Variants in SGCZ observed in about 807,000 individuals in gnomAD.
SGCZ encodes zeta-sarcoglycan.
SGCZ carries 40 observed loss-of-function variants against 41.3 expected under a neutral mutation model. The ratio of observed to expected loss-of-function variants is 0.97; its 90% CI spans 0.75 to 1.26. SGCZ has a LOEUF of 1.26. SGCZ is among the 50% of genes most tolerant of loss of function. The pLI is 0.00. For missense variants in SGCZ, 552 were observed against 369.8 expected (o/e 1.49, Z -4.04); for synonymous variants, 206 against 137.5 (o/e 1.50, Z -3.49).
chr8:14,270,129 C>G (rs1800010040), intron 3 of SGCZ, among the ~76,000 whole-genome samples: 1 of 151,688 alleles, frequency 6.6e-6, no homozygotes, highest in Admixed American at 6.6e-5. Context: ...GTCAGGAGTT[C>G]AAGACCAGCC....
At chr8:14,130,627 T>C (rs1803011680) in intron 5 of SGCZ, among the ~76,000 whole-genome samples, 2 of 151,878 alleles carry the variant, frequency 1.3e-5, no homozygotes, top group Middle Eastern at 3.4e-3. Context: ...GGTAAGAGAG[T>C]CCTTGGTGGG....
At chr8:14,813,240 T>A (rs1255910257) in intron 1 of SGCZ, among the ~76,000 whole-genome samples, 1 of 152,180 alleles carries the variant, frequency 6.6e-6, no homozygotes, top group Non-Finnish European at 1.5e-5. Flanking sequence ...GAAGAGTTTC[T>A]CCCTCAATAT....
chr8:14,484,896 T>A (rs1045799603), intron 2 of SGCZ, among the ~76,000 whole-genome samples: 1 of 152,170 alleles, frequency 6.6e-6, no homozygotes, highest in African/African-American at 2.4e-5. Flanking sequence ...ATTAAATGCT[T>A]TACAGCAAAA....
At chr8:15,225,510 G>A (rs1351820609) in intron 1 of SGCZ, among the ~76,000 whole-genome samples, 5 of 152,084 alleles carry the variant, frequency 3.3e-5, no homozygotes, top group Admixed American at 6.6e-5. Flanking sequence ...GTATGTGCAC[G>A]CACATGCACG....
At position 14,086,962 on chromosome 8, in the gene SGCZ, C is replaced by T. The variant is rs1472047785; in HGVS notation, c.*3481G>A. On this transcript the variant is annotated 3_prime_UTR_variant, in exon 8 of 8. Transcript: ENST00000382080. The stretch of plus-strand genomic sequence containing the variant: ...TATACCCCTCTCACAGATAAGTGAA[C>T]TGTGACCAACGTAATTAAATATATG... Among the ~76,000 whole-genome samples the T allele has an allele frequency of 6.6e-6, 1 of 151,600 alleles. No individual in the cohort carries two copies. The highest frequency in any genetic ancestry group is 2.4e-5 in the African/African-American group (1 of 41,356).
At chr8:14,357,493 G>C (rs1803340018) in intron 2 of SGCZ, among the ~76,000 whole-genome samples, 1 of 152,170 alleles carries the variant, frequency 6.6e-6, no homozygotes, top group Non-Finnish European at 1.5e-5. Context: ...TGCTATCGCA[G>C]TATGCAGAAC....
Position 14,377,636 on chromosome 8 carries a change from G to A in SGCZ, c.235-53432C>T, listed in dbSNP as rs370525435. 2.8e-4 allele frequency among the ~76,000 whole-genome samples: 43 copies of A among 151,440 alleles called. No homozygotes were observed. In the South Asian group the frequency reaches 3.3e-3, roughly 12 times the overall value. The stretch of plus-strand genomic sequence containing the variant: ...GCTGGTGTGCTGCACCCACTAACTC[G>A]TCATCTAGCATTAGGTATATCTCCC... On this transcript the variant is annotated intron_variant, in intron 2 of 7. Transcript: ENST00000382080.
chr8:14,388,982 TCA>T (rs1279990359), intron 2 of SGCZ, among the ~76,000 whole-genome samples: 14 of 152,004 alleles, frequency 9.2e-5, no homozygotes, highest in Non-Finnish European at 1.9e-4. Flanking sequence ...AAAATCTATT[TCA>T]CAGACAAGAA....
At chr8:14,822,584 C>A (rs1206786434) in intron 1 of SGCZ, among the ~76,000 whole-genome samples, 3 of 152,032 alleles carry the variant, frequency 2.0e-5, no homozygotes, top group African/African-American at 7.2e-5. Flanking sequence ...AAATATGCTA[C>A]AAAGCTATAG....
chr8:14,218,318 T>G (rs561108789), intron 4 of SGCZ, among the ~76,000 whole-genome samples: 2 of 152,288 alleles, frequency 1.3e-5, no homozygotes, highest in Admixed American at 1.3e-4. Context: ...TGTTAAAAGG[T>G]ATACCAGTTC....
intron 1 of SGCZ, among the ~76,000 whole-genome samples, chr8:15,071,689 G>C (rs1446963116): frequency 2.0e-5 from 3 of 152,076 alleles, no homozygotes; most frequent in Non-Finnish European, 4.4e-5. Flanking sequence ...ATTTTTGTTT[G>C]GGTACCAACC....
intron 3 of SGCZ, among the ~76,000 whole-genome samples, chr8:14,323,375 A>G (rs1471657819): frequency 6.6e-6 from 1 of 152,026 alleles, no homozygotes; most frequent in African/African-American, 2.4e-5. Context: ...CACAATTTCC[A>G]TTACTTCTCT....
intron 2 of SGCZ, among the ~76,000 whole-genome samples, chr8:14,358,031 G>C (rs73664320): frequency 8.1e-4 from 123 of 152,164 alleles, no homozygotes; most frequent in African/African-American, 2.8e-3. Flanking sequence ...ACAATGGCCC[G>C]TGTTTATGCA....
At chr8:14,813,400 G>C (rs1801794690) in intron 1 of SGCZ, among the ~76,000 whole-genome samples, 1 of 152,180 alleles carries the variant, frequency 6.6e-6, no homozygotes, top group Non-Finnish European at 1.5e-5. Flanking sequence ...AAAGCTTATG[G>C]AAGAGAGAGT....
intron 1 of SGCZ, among the ~76,000 whole-genome samples, chr8:14,982,427 A>G (rs552571139): frequency 1.3e-5 from 2 of 152,294 alleles, no homozygotes; most frequent in East Asian, 3.9e-4. Context: ...ATGAGATAAC[A>G]TATTTCTCAA....
chr8:14,524,949 G>C (rs1469044887), intron 2 of SGCZ, among the ~76,000 whole-genome samples: 1 of 152,000 alleles, frequency 6.6e-6, no homozygotes, highest in Non-Finnish European at 1.5e-5. Context: ...TTCTCAGAGA[G>C]TTCAAAACAT....
Position 14,700,267 on chromosome 8 carries a change from A to G in SGCZ, c.40-145341T>C, listed in dbSNP as rs144234309. Among the ~76,000 whole-genome samples the G allele has an allele frequency of 2.2e-3, 329 of 152,184 alleles. 1 individual carries two copies. Among genetic ancestry groups the G allele is most frequent in the Middle Eastern group, 6.8e-3 (2 of 294 alleles). ...TGGTGTATATACATCATAGGATACTACACAGCCATAGAAAAACATGAAATC... is the reference window on the plus strand; with the variant it reads ...TGGTGTATATACATCATAGGATACTGCACAGCCATAGAAAAACATGAAATC... On this transcript the variant is annotated intron_variant, in intron 1 of 7. Coordinates refer to ENST00000382080, the MANE Select transcript of SGCZ (RefSeq NM_139167.4).
intron 3 of SGCZ, among the ~76,000 whole-genome samples, chr8:14,311,541 A>C (rs553282236): frequency 6.6e-6 from 1 of 152,110 alleles, no homozygotes; most frequent in Non-Finnish European, 1.5e-5. Context: ...AATCTCCATA[A>C]CTATTGAAAG....
intron 2 of SGCZ, among the ~76,000 whole-genome samples, chr8:14,367,760 G>T (rs1173838326): frequency 1.3e-5 from 2 of 152,014 alleles, no homozygotes; most frequent in African/African-American, 4.8e-5. Flanking sequence ...TTACCACCAG[G>T]TCTCTCCCTA....
Sources: gnomAD v4.1 joint callset for allele counts (sites outside exome capture counted in the v4.1 genomes callset) on GRCh38, gnomAD v4.1.1 for gene constraint, MANE v1.5 for transcripts, NCBI Gene and HGNC (gene_info 2026-07-23, HGNC 2026-07-21) for gene names.